The following NEK11 variants were observed in gnomAD, a reference collection of about 807,000 sequenced individuals.
NEK11 encodes the protein serine/threonine-protein kinase Nek11.
Under a neutral mutation model 80.7 loss-of-function variants are expected in NEK11, and 72 were observed. The observed-to-expected ratio is 0.89, with a 90% CI of 0.74 to 1.08. NEK11 has a LOEUF of 1.08. Ranked by LOEUF, NEK11 falls within the 50% of genes least tolerant of loss-of-function variation. The pLI, the probability that NEK11 is intolerant of heterozygous loss-of-function variation, is 0.00. For synonymous variants in NEK11, 251 were observed against 260.7 expected, an observed-to-expected ratio of 0.96 and a Z score of 0.36; for missense variants, 764 against 763.6, an observed-to-expected ratio of 1.00 and a Z score of -0.01.
At chr3:131,092,278 A>G (rs1016162143) in intron 4 of NEK11, among the ~76,000 whole-genome samples, 1 of 152,188 alleles carries the variant, frequency 6.6e-6, no homozygotes, top group African/African-American at 2.4e-5. Context: ...TAGTGAGACC[A>G]TTTGATGTAC....
chr3:131,105,759 T>C (rs897962129), intron 4 of NEK11, among the ~76,000 whole-genome samples: 5 of 152,190 alleles, frequency 3.3e-5, no homozygotes, highest in Admixed American at 2.6e-4. Flanking sequence ...ATGTGGAGAT[T>C]ATGGGGATTA....
chr3:131,115,981 T>G (rs964077528), intron 5 of NEK11, among the ~76,000 whole-genome samples: 1 of 140,662 alleles, frequency 7.1e-6, no homozygotes, highest in African/African-American at 2.7e-5. Flanking sequence ...TTTCTTTCTT[T>G]CTTTCTTTAT....
intron 14 of NEK11, among the ~76,000 whole-genome samples, chr3:131,189,368 T>G (rs1253087229): frequency 1.3e-5 from 2 of 152,150 alleles, no homozygotes; most frequent in African/African-American, 2.4e-5. Context: ...CAACAGAAAT[T>G]TATTTATTAC....
chr3:131,246,062 C>T (rs920360879), intron 16 of NEK11, among the ~76,000 whole-genome samples: 2 of 151,972 alleles, frequency 1.3e-5, no homozygotes, highest in African/African-American at 4.8e-5. Context: ...TTGCATAGAC[C>T]AATGTCCAGA....
At chr3:131,222,674 T>C (rs2095062265) in intron 14 of NEK11, among the ~76,000 whole-genome samples, 2 of 152,242 alleles carry the variant, frequency 1.3e-5, no homozygotes, top group Admixed American at 6.5e-5. Flanking sequence ...TATACTCTTA[T>C]TTGAACTAGT....
chr3:131,208,721 A>G (rs1241683260), intron 14 of NEK11, among the ~76,000 whole-genome samples: 11 of 152,182 alleles, frequency 7.2e-5, no homozygotes, highest in East Asian at 5.8e-4. Context: ...ATTCTCTTTG[A>G]AGCAATTGTG....
At chr3:131,104,750 A>G (rs891041864) in intron 4 of NEK11, among the ~76,000 whole-genome samples, 5 of 152,154 alleles carry the variant, frequency 3.3e-5, no homozygotes, top group African/African-American at 9.7e-5. Context: ...TCCAAGGCTC[A>G]TGGAGCTCAA....
chr3:131,196,382 A>G (rs1251681554), intron 14 of NEK11, among the ~76,000 whole-genome samples: 3 of 152,178 alleles, frequency 2.0e-5, no homozygotes, highest in Non-Finnish European at 4.4e-5. Context: ...TAAAAATTTA[A>G]ATATTTAAGA....
chr3:131,181,374 A>G (rs2093331046), intron 14 of NEK11, among the ~76,000 whole-genome samples: 1 of 152,216 alleles, frequency 6.6e-6, no homozygotes, highest in Admixed American at 6.5e-5. Flanking sequence ...GATCCCCCAG[A>G]AAGGAAGGCA....
chr3:131,213,521 G>A (rs1398050818), intron 14 of NEK11, among the ~76,000 whole-genome samples: 3 of 152,120 alleles, frequency 2.0e-5, no homozygotes, highest in South Asian at 2.1e-4. Context: ...AAAATACAAC[G>A]AGAAAAAAGT....
chr3:131,294,749 A>G (rs907747166), intron 17 of NEK11, among the ~76,000 whole-genome samples: 5 of 152,058 alleles, frequency 3.3e-5, no homozygotes, highest in Non-Finnish European at 5.9e-5. Context: ...CTGTTGTTAG[A>G]CACATACACA....
chr3:131,196,297 C>A lies in NEK11; in HGVS notation c.1399+25410C>A, dbSNP rs1047601909. On this transcript the variant is annotated intron_variant, in intron 14 of 17. Coordinates refer to ENST00000383366, the MANE Select transcript of NEK11 (RefSeq NM_024800.5). Reference sequence around the variant, plus strand: ...AAGAAGACATATTTAAATAAGTAGTCTTGGAAAAATTGCCTGTTTGGAAAA... The same window carrying A: ...AAGAAGACATATTTAAATAAGTAGTATTGGAAAAATTGCCTGTTTGGAAAA... Among the ~76,000 whole-genome samples, 8 of 151,924 alleles carry A rather than the reference C, an allele frequency of 5.3e-5. No homozygotes were observed. The South Asian group carries it at 1.7e-3, about 32-fold the overall frequency.
intron 3 of NEK11, among the ~76,000 whole-genome samples, chr3:131,074,075 A>T (rs1478596112): frequency 6.6e-6 from 1 of 152,116 alleles, no homozygotes; most frequent in Admixed American, 6.6e-5. Context: ...CCTCAGTGAT[A>T]ACTGTCTTGA....
chr3:131,243,508 C>T lies in NEK11; in HGVS notation c.1621+12C>T. On this transcript the variant is annotated intron_variant, in intron 16 of 17. Coordinates refer to ENST00000383366, the MANE Select transcript of NEK11 (RefSeq NM_024800.5). ...TTGCACTTCTCTAGGTGAGTAAGTT[C>T]CTTTAGGCTTCAAAATACATTGACA... 1 of 1,607,732 alleles carries T rather than the reference C, an allele frequency of 6.2e-7. No homozygotes were observed. The highest frequency in any genetic ancestry group is 8.5e-7 in the Non-Finnish European group (1 of 1,175,206).
intron 10 of NEK11, among the ~76,000 whole-genome samples, chr3:131,156,393 A>T (rs544447822): frequency 6.6e-6 from 1 of 152,180 alleles, no homozygotes; most frequent in Non-Finnish European, 1.5e-5. Flanking sequence ...CTTCTATAGT[A>T]TTGGGTCCTA....
intron 16 of NEK11, among the ~76,000 whole-genome samples, chr3:131,258,634 G>A (rs2095859386): frequency 6.6e-6 from 1 of 152,082 alleles, no homozygotes; most frequent in African/African-American, 2.4e-5. Flanking sequence ...TCCTTTTACT[G>A]GTAGCTACTG....
chr3:131,041,026 T>A (rs2066392020), intron 3 of NEK11, among the ~76,000 whole-genome samples: 1 of 152,230 alleles, frequency 6.6e-6, no homozygotes, highest in Non-Finnish European at 1.5e-5. Context: ...CTCTTCTTTC[T>A]TTGCTTATGT....
intron 10 of NEK11, among the ~76,000 whole-genome samples, chr3:131,156,973 A>G (rs942285506): frequency 2.0e-5 from 3 of 151,850 alleles, no homozygotes; most frequent in Non-Finnish European, 2.9e-5. Context: ...GTCAAAAGGT[A>G]TTCACAGGGA....
At chr3:131,127,462 C>T (rs1350208085) in intron 5 of NEK11, among the ~76,000 whole-genome samples, 2 of 150,632 alleles carry the variant, frequency 1.3e-5, no homozygotes, top group Non-Finnish European at 3.0e-5. Context: ...TATATATGCA[C>T]TCCTAGTGCA....
Sources: gnomAD v4.1 joint callset for allele counts (sites outside exome capture counted in the v4.1 genomes callset) on GRCh38, gnomAD v4.1.1 for gene constraint, MANE v1.5 for transcripts, NCBI Gene and HGNC (gene_info 2026-07-23, HGNC 2026-07-21) for gene names.